Variants in TAPT1 observed in about 807,000 individuals in gnomAD.
The protein encoded by TAPT1 is transmembrane anterior posterior transformation protein 1 homolog.
Under a neutral mutation model 65.6 loss-of-function variants are expected in TAPT1, and 28 were observed. The observed-to-expected ratio is 0.43, with a 90% CI of 0.32 to 0.59. The LOEUF (loss-of-function observed/expected upper bound fraction) is 0.59. Ranked by LOEUF, TAPT1 falls within the 20% of genes least tolerant of loss-of-function variation. TAPT1 has a pLI of 0.09. For missense variants in TAPT1, 563 were observed against 679.9 expected (o/e 0.83, Z 1.91); for synonymous variants, 278 against 245.2 (o/e 1.13, Z -1.25).
At chr4:16,218,344 G>A (rs1751054172) in intron 1 of TAPT1, among the ~76,000 whole-genome samples, 1 of 152,220 alleles carries the variant, frequency 6.6e-6, no homozygotes, top group Non-Finnish European at 1.5e-5. Flanking sequence ...GGCAGAGGCT[G>A]CAGTGAGCCG....
chr4:16,189,808 A>G (rs536776800), intron 4 of TAPT1, among the ~76,000 whole-genome samples: 1 of 152,210 alleles, frequency 6.6e-6, no homozygotes. Context: ...AACAATAATA[A>G]TACTACCTTG....
chr4:16,201,459 A>G (rs1023807772), intron 3 of TAPT1, among the ~76,000 whole-genome samples: 1 of 152,228 alleles, frequency 6.6e-6, no homozygotes, highest in South Asian at 2.1e-4. Context: ...GAACTTTTCC[A>G]GCATGAAATG....
rs1168592093 is a variant in TAPT1 at position 16,191,487 on chromosome 4, G to C, written c.486C>G (p.Asp162Glu). Residue 162 changes from aspartate (D) to glutamate (E), a missense_variant, in exon 4 of 14, where the codon GAC becomes GAG. Asp to Glu is a conservative substitution (Grantham distance 45). This residue lies in a region of TAPT1 where 217 missense variants were observed against 317.5 expected (regional missense o/e 0.68). Coordinates refer to ENST00000405303, the MANE Select transcript of TAPT1 (RefSeq NM_153365.3). The stretch of plus-strand genomic sequence containing the variant: ...TTACCAAAATGACACCCTTCAAAAT[G>C]TCACACACCTGGGCAGGCTGAAGCA... ...RRLLQPAQVC[D>E]ILKGVILVIC... 6.4e-7 allele frequency: 1 copy of C among 1,565,422 alleles called. No homozygotes were observed. Among genetic ancestry groups the C allele is most frequent in the Admixed American group, 1.9e-5 (1 of 52,496 alleles).
At chr4:16,206,969 T>G (rs1408007143) in intron 2 of TAPT1, among the ~76,000 whole-genome samples, 1 of 152,164 alleles carries the variant, frequency 6.6e-6, no homozygotes, top group Non-Finnish European at 1.5e-5. Context: ...ACGTGGAAGC[T>G]GTGGTCACTA....
Position 16,191,371 on chromosome 4 carries a change from T to C in TAPT1, c.602A>G (p.Asn201Ser). Residue 201 changes from asparagine to serine, a missense_variant, in exon 4 of 14, where the codon AAC becomes AGC. Asn to Ser is a conservative substitution (Grantham distance 46, BLOSUM62 1). Around this residue, in one of 5 missense-constraint regions of TAPT1, gnomAD observed 217 missense variants for 317.5 expected, o/e 0.68. Transcript: ENST00000405303. ...AAGCAAGGCCCTTACCTCCAGCATG[T>C]TGTAGATGATGTAGAGCTTGATGAC... ...QSVIKLYIIYNMLEVADRLFS... is the reference protein window; with the variant it reads ...QSVIKLYIIYSMLEVADRLFS... 1 of 1,601,008 alleles carries C rather than the reference T, an allele frequency of 6.2e-7. No homozygotes were observed. Among genetic ancestry groups the C allele is most frequent in the Non-Finnish European group, 8.5e-7 (1 of 1,173,804 alleles).
intron 1 of TAPT1, among the ~76,000 whole-genome samples, chr4:16,220,705 C>A (rs1014059733): frequency 1.3e-5 from 2 of 149,722 alleles, no homozygotes; most frequent in African/African-American, 5.0e-5. Flanking sequence ...GCCAAGATCG[C>A]ACCACTGTAC....
At chr4:16,217,275 C>T (rs1046741201) in intron 1 of TAPT1, among the ~76,000 whole-genome samples, 5 of 152,128 alleles carry the variant, frequency 3.3e-5, no homozygotes, top group Non-Finnish European at 5.9e-5. Context: ...GGACCCAGCA[C>T]ATAACAGGTA....
At chr4:16,212,070 G>A (rs991962359) in intron 2 of TAPT1, among the ~76,000 whole-genome samples, 1 of 152,180 alleles carries the variant, frequency 6.6e-6, no homozygotes, top group Admixed American at 6.5e-5. Flanking sequence ...AATCAGGAGT[G>A]GATGTTGCCA....
chr4:16,187,425 A>C (rs1749083485), intron 5 of TAPT1, among the ~76,000 whole-genome samples: 1 of 152,202 alleles, frequency 6.6e-6, no homozygotes, highest in South Asian at 2.1e-4. Flanking sequence ...ATATCCATAA[A>C]CTGCAGAATT....
chr4:16,204,611 G>A (rs1458673403), intron 2 of TAPT1, among the ~76,000 whole-genome samples: 2 of 152,210 alleles, frequency 1.3e-5, no homozygotes, highest in Admixed American at 6.5e-5. Flanking sequence ...ATCTTTTCTG[G>A]AAGGACTTCA....
chr4:16,198,888 A>T (rs1560175356), intron 3 of TAPT1, among the ~76,000 whole-genome samples: 1 of 152,212 alleles, frequency 6.6e-6, no homozygotes, highest in Non-Finnish European at 1.5e-5. Context: ...TGTAACTTTT[A>T]CCTTATCAAA....
intron 7 of TAPT1, among the ~76,000 whole-genome samples, 167 bp from the exon 8 acceptor site, chr4:16,179,824 GTGTA>G (rs909758789): frequency 5.5e-4 from 76 of 139,008 alleles, no homozygotes; most frequent in African/African-American, 1.2e-3. Context: ...GTGTGTGTGT[GTGTA>G]TATATAGGCT....
chr4:16,216,706 C>T lies in TAPT1; in HGVS notation c.200-2808G>A, dbSNP rs1013257661. Among the ~76,000 whole-genome samples the T allele has an allele frequency of 1.6e-4, 24 of 152,064 alleles. 1 individual carries two copies. Among genetic ancestry groups the T allele is most frequent in the Admixed American group, 5.2e-4 (8 of 15,274 alleles). The stretch of plus-strand genomic sequence containing the variant: ...AACATTAACTTTTTTCCCCTTTTTC[C>T]TATACTCCACCCTGGTTTAGTCCTC... On this transcript the variant is annotated intron_variant, in intron 1 of 13. Coordinates refer to ENST00000405303, the MANE Select transcript of TAPT1 (RefSeq NM_153365.3).
At chr4:16,192,860 T>C (rs1217599659) in intron 3 of TAPT1, among the ~76,000 whole-genome samples, 1 of 152,254 alleles carries the variant, frequency 6.6e-6, no homozygotes, top group African/African-American at 2.4e-5. Flanking sequence ...ATTTTCTAAA[T>C]GGCCATTGGC....
intron 2 of TAPT1, among the ~76,000 whole-genome samples, chr4:16,210,559 T>A (rs190897910): frequency 4.6e-4 from 70 of 152,248 alleles, no homozygotes; most frequent in Non-Finnish European, 6.5e-4. Context: ...ATAATTAATA[T>A]ATAGATGAGA....
intron 2 of TAPT1, 27 bp from the exon 3 acceptor site, chr4:16,202,607 A>C (rs1452271614): frequency 1.7e-6 from 2 of 1,198,872 alleles, no homozygotes; most frequent in Non-Finnish European, 2.3e-6. Context: ...AGAGAAGAAA[A>C]AAAAAAAGTA....
At chr4:16,164,647 T>A (rs140187231) in intron 13 of TAPT1, among the ~76,000 whole-genome samples, 1 of 152,260 alleles carries the variant, frequency 6.6e-6, no homozygotes, top group African/African-American at 2.4e-5. Flanking sequence ...CCCAGGCTGG[T>A]CTCGAACTCC....
intron 7 of TAPT1, 98 bp from the exon 8 acceptor site, chr4:16,179,755 AGAC>A: frequency 1.8e-6 from 1 of 568,066 alleles, no homozygotes; most frequent in Non-Finnish European, 3.0e-6. Context: ...TGAAATTATT[AGAC>A]GATGTATAAA....
intron 1 of TAPT1, chr4:16,225,771 T>A (rs1363974236): frequency 3.9e-6 from 2 of 508,028 alleles, no homozygotes; most frequent in East Asian, 3.0e-4. Flanking sequence ...AACTTCATGG[T>A]CACTACCACA....
Sources: gnomAD v4.1 joint callset for allele counts (sites outside exome capture counted in the v4.1 genomes callset) on GRCh38, gnomAD v4.1.1 for gene constraint, gnomAD v4.1.1 regional missense constraint, MANE v1.5 for transcripts, NCBI Gene and HGNC (gene_info 2026-07-23, HGNC 2026-07-21) for gene names.